Variants in CCDC25 observed in about 807,000 individuals in gnomAD.
CCDC25 encodes the protein coiled-coil domain-containing protein 25.
CCDC25 carries 16 observed loss-of-function variants against 35.3 expected under a neutral mutation model. The ratio of observed to expected loss-of-function variants is 0.45; its 90% CI spans 0.31 to 0.69. The LOEUF is 0.69. CCDC25 is among the 30% of genes least tolerant of loss of function. The pLI, the probability that CCDC25 is intolerant of heterozygous loss-of-function variation, is 0.06. For missense variants in CCDC25, 179 were observed against 250.7 expected (o/e 0.71, Z 1.93); for synonymous variants, 79 against 80.3 (o/e 0.98, Z 0.09).
chr8:27,754,101 G>C (rs1156809927), intron 4 of CCDC25, among the ~76,000 whole-genome samples: 1 of 151,800 alleles, frequency 6.6e-6, no homozygotes, highest in African/African-American at 2.4e-5. Flanking sequence ...TTTTGACCCA[G>C]GAAATCCATT....
chr8:27,748,649 G>T, intron 5 of CCDC25, 51 bp from the exon 6 acceptor site: 1 of 1,357,442 alleles, frequency 7.4e-7, no homozygotes, highest in Non-Finnish European at 1.1e-6. Flanking sequence ...ACTGAGCAAT[G>T]TGTTCCCTTA....
intron 1 of CCDC25, among the ~76,000 whole-genome samples, chr8:27,765,914 T>C (rs1804385114): frequency 6.6e-6 from 1 of 152,260 alleles, no homozygotes; most frequent in Non-Finnish European, 1.5e-5. Flanking sequence ...CTGTGTTTTC[T>C]AAAAGCCTTC....
intron 7 of CCDC25, chr8:27,747,704 T>C (rs893385274): frequency 4.9e-6 from 1 of 204,046 alleles, no homozygotes; most frequent in African/African-American, 2.4e-5. Flanking sequence ...CATTGGTTTT[T>C]AGAGCCAACA....
At chr8:27,747,916 T>C (rs578231879) in intron 7 of CCDC25, 161 bp downstream of exon 7, 3 of 646,182 alleles carry the variant, frequency 4.6e-6, no homozygotes, top group East Asian at 5.4e-5. Context: ...CACATTAATA[T>C]AAATGCCTTT....
chr8:27,764,208 T>G lies in CCDC25; in HGVS notation c.76+996A>C, dbSNP rs1745792430. 1.9e-5 allele frequency: 3 copies of G among 154,256 alleles called. No individual in the cohort carries two copies. The Admixed American group carries it at 2.0e-4, about 10-fold the overall frequency. The allele number at this position is 154,256 out of a possible 1,614,324, so 9.6% of individuals were successfully genotyped here. A position where few individuals can be genotyped will look rare whatever the true frequency, so the allele number is the denominator to read the frequency against. On this transcript the variant is annotated intron_variant, in intron 2 of 8. Coordinates refer to ENST00000356537, the MANE Select transcript of CCDC25 (RefSeq NM_018246.3). ...TAATGTCCGTTCTTACAAGGCAACCTAGGAAAAGTTGATACCTCCAAATGA... is the reference window on the plus strand; with the variant it reads ...TAATGTCCGTTCTTACAAGGCAACCGAGGAAAAGTTGATACCTCCAAATGA...
chr8:27,736,790 A>AT (rs897334132), intron 8 of CCDC25, among the ~76,000 whole-genome samples: 6 of 152,312 alleles, frequency 3.9e-5, no homozygotes, highest in African/African-American at 1.4e-4. Flanking sequence ...GGTTTGCCAC[A>AT]TTTTTTAATT....
At chr8:27,764,403 G>C (rs2128946577) in intron 2 of CCDC25, 2 of 312,060 alleles carry the variant, frequency 6.4e-6, no homozygotes, top group East Asian at 2.7e-4. Flanking sequence ...AGAGTAGCAA[G>C]GACAACAGGT....
At chr8:27,752,754 GAATGTTTGTT>G (rs1266701977) in intron 4 of CCDC25, among the ~76,000 whole-genome samples, 167 bp from the exon 5 acceptor site, 1 of 147,650 alleles carries the variant, frequency 6.8e-6, no homozygotes, top group Non-Finnish European at 1.5e-5. Flanking sequence ...TGCATTACGG[GAATGTTTGTT>G]TAAAATAAGA....
chr8:27,760,894 C>T (rs1333633794), intron 3 of CCDC25, among the ~76,000 whole-genome samples: 2 of 152,092 alleles, frequency 1.3e-5, no homozygotes, highest in African/African-American at 2.4e-5. Context: ...GGGAGTCCAA[C>T]GCGGGTAGAT....
chr8:27,749,960 G>A (rs1803737735), intron 5 of CCDC25, among the ~76,000 whole-genome samples: 1 of 152,176 alleles, frequency 6.6e-6, no homozygotes, highest in Non-Finnish European at 1.5e-5. Flanking sequence ...GTATATGGTA[G>A]CTGTACTATT....
chr8:27,748,006 G>T, intron 7 of CCDC25, 71 bp downstream of exon 7: 1 of 1,421,386 alleles, frequency 7.0e-7, no homozygotes, highest in South Asian at 1.2e-5. Flanking sequence ...CGTTCTTAAT[G>T]GCTAATACAT....
chr8:27,748,714 C>A (rs929493438), intron 5 of CCDC25, 116 bp from the exon 6 acceptor site: 13 of 726,496 alleles, frequency 1.8e-5, no homozygotes, highest in Non-Finnish European at 2.8e-5. Context: ...ACGAACAGGC[C>A]ACCCCTTGTT....
chr8:27,749,734 C>T (rs945025312), intron 5 of CCDC25, among the ~76,000 whole-genome samples: 1 of 151,484 alleles, frequency 6.6e-6, no homozygotes, highest in Non-Finnish European at 1.5e-5. Flanking sequence ...GACTGTATAT[C>T]AGAACACAGT....
intron 1 of CCDC25, among the ~76,000 whole-genome samples, chr8:27,769,567 C>T (rs528865339): frequency 3.3e-5 from 5 of 152,172 alleles, no homozygotes; most frequent in African/African-American, 1.2e-4. Context: ...TGCTTAGAGG[C>T]CTATAAGGGT....
At chr8:27,740,423 T>G (rs1803395867) in intron 8 of CCDC25, 49 bp downstream of exon 8, 1 of 1,555,740 alleles carries the variant, frequency 6.4e-7, no homozygotes, top group Non-Finnish European at 8.8e-7. Context: ...TTAAAAACCC[T>G]TAGTGAATTA....
intron 7 of CCDC25, among the ~76,000 whole-genome samples, chr8:27,744,534 A>G (rs1215896735): frequency 6.6e-6 from 1 of 152,234 alleles, no homozygotes; most frequent in East Asian, 1.9e-4. Flanking sequence ...TTAATTAGTT[A>G]CTGGTCTCAC....
intron 3 of CCDC25, among the ~76,000 whole-genome samples, chr8:27,758,525 T>C (rs1282700915): frequency 6.6e-6 from 1 of 152,232 alleles, no homozygotes; most frequent in Non-Finnish European, 1.5e-5. Context: ...TGTGAGAGAT[T>C]CATACTAATT....
intron 3 of CCDC25, among the ~76,000 whole-genome samples, chr8:27,759,693 T>C (rs1181650237): frequency 2.2e-5 from 3 of 138,920 alleles, no homozygotes; most frequent in African/African-American, 8.2e-5. Context: ...GGCAGGAGAA[T>C]AGCTTGAACC....
chr8:27,754,332 C>A (rs1435768231), intron 4 of CCDC25, among the ~76,000 whole-genome samples: 1 of 152,066 alleles, frequency 6.6e-6, no homozygotes, highest in Non-Finnish European at 1.5e-5. Flanking sequence ...TAAAAGAGTT[C>A]ATAAAATGTC....
Sources: gnomAD v4.1 joint callset for allele counts (sites outside exome capture counted in the v4.1 genomes callset) on GRCh38, gnomAD v4.1.1 for gene constraint, MANE v1.5 for transcripts, NCBI Gene and HGNC (gene_info 2026-07-23, HGNC 2026-07-21) for gene names.